Variants in PPM1E observed in about 807,000 individuals in gnomAD.
PPM1E encodes the protein protein phosphatase, Mg2+/Mn2+ dependent 1E.
Under a neutral mutation model 65.9 loss-of-function variants are expected in PPM1E, and 20 were observed. The observed-to-expected ratio is 0.30, with a 90% CI of 0.21 to 0.44. The LOEUF is 0.44. Among genes scored for constraint, PPM1E ranks in the 20% least tolerant of loss-of-function variants. The pLI, the probability that PPM1E is intolerant of heterozygous loss-of-function variation, is 1.00. For synonymous variants in PPM1E, 352 were observed against 374.9 expected, an observed-to-expected ratio of 0.94 and a Z score of 0.70; for missense variants, 713 against 953.1, an observed-to-expected ratio of 0.75 and a Z score of 3.32.
At chr17:58,872,582 G>A (rs978044039) in intron 1 of PPM1E, among the ~76,000 whole-genome samples, 16 of 152,184 alleles carry the variant, frequency 1.1e-4, no homozygotes, top group Non-Finnish European at 2.1e-4. Context: ...TAAACACAAA[G>A]TATGATCTGA....
At chr17:58,779,444 AT>A (rs1343764549) in intron 1 of PPM1E, among the ~76,000 whole-genome samples, 1 of 152,086 alleles carries the variant, frequency 6.6e-6, no homozygotes, top group African/African-American at 2.4e-5. Context: ...AAGTGCTGGG[AT>A]TATAGACGTG....
At chr17:58,784,065 C>T (rs1291745440) in intron 1 of PPM1E, among the ~76,000 whole-genome samples, 1 of 151,800 alleles carries the variant, frequency 6.6e-6, no homozygotes, top group Non-Finnish European at 1.5e-5. Context: ...CTCTGTTGCC[C>T]AGGCTGAAGT....
chr17:58,796,052 A>G (rs2050203353), intron 1 of PPM1E, among the ~76,000 whole-genome samples: 1 of 151,608 alleles, frequency 6.6e-6, no homozygotes. Flanking sequence ...CCTTTTGTCA[A>G]TTTTTTTTGT....
chr17:58,839,918 C>T (rs1442705182), intron 1 of PPM1E, among the ~76,000 whole-genome samples: 2 of 152,164 alleles, frequency 1.3e-5, no homozygotes, highest in African/African-American at 2.4e-5. Flanking sequence ...AAGTTTACAA[C>T]ACCACCACCA....
chr17:58,826,576 T>A (rs923674401), intron 1 of PPM1E, among the ~76,000 whole-genome samples: 3 of 152,158 alleles, frequency 2.0e-5, no homozygotes, highest in Non-Finnish European at 2.9e-5. Flanking sequence ...AAGAAATTAG[T>A]TTAACATATC....
intron 1 of PPM1E, among the ~76,000 whole-genome samples, chr17:58,947,518 C>T (rs1371366028): frequency 1.3e-5 from 2 of 149,592 alleles, no homozygotes; most frequent in African/African-American, 4.9e-5. Flanking sequence ...ATTACGGGTA[C>T]GAGACACTGC....
At chr17:58,761,899 A>C (rs1010278140) in intron 1 of PPM1E, among the ~76,000 whole-genome samples, 5 of 152,208 alleles carry the variant, frequency 3.3e-5, no homozygotes, top group African/African-American at 1.2e-4. Flanking sequence ...AAGGAAGAAA[A>C]CATTATCATC....
At chr17:58,916,131 C>T (rs936309143) in intron 1 of PPM1E, among the ~76,000 whole-genome samples, 2 of 152,164 alleles carry the variant, frequency 1.3e-5, no homozygotes, top group Non-Finnish European at 2.9e-5. Flanking sequence ...AGACACATTC[C>T]ACTGCATTTA....
intron 1 of PPM1E, among the ~76,000 whole-genome samples, chr17:58,783,562 T>G (rs913422854): frequency 2.6e-5 from 4 of 152,078 alleles, no homozygotes; most frequent in Non-Finnish European, 5.9e-5. Flanking sequence ...ATCAGCCCTT[T>G]CTCATGTGGC....
chr17:58,909,181 AG>A (rs1471572196), intron 1 of PPM1E, among the ~76,000 whole-genome samples: 1 of 151,954 alleles, frequency 6.6e-6, no homozygotes, highest in Non-Finnish European at 1.5e-5. Context: ...CAGGTCTACT[AG>A]GAACAAATTT....
intron 1 of PPM1E, among the ~76,000 whole-genome samples, chr17:58,791,993 C>T (rs1435609557): frequency 2.6e-5 from 4 of 152,086 alleles, no homozygotes; most frequent in Non-Finnish European, 4.4e-5. Flanking sequence ...TTGCCCATTT[C>T]TTCCCTATAC....
intron 1 of PPM1E, among the ~76,000 whole-genome samples, chr17:58,805,951 A>G: frequency 1.0e-5 from 1 of 97,012 alleles, no homozygotes; most frequent in Admixed American, 8.9e-5. Context: ...TGTTCTGCTA[A>G]AAAAAAAAAC....
chr17:58,804,603 A>T (rs1303257098), intron 1 of PPM1E, among the ~76,000 whole-genome samples: 1 of 152,170 alleles, frequency 6.6e-6, no homozygotes, highest in Non-Finnish European at 1.5e-5. Flanking sequence ...AATAAATGTT[A>T]AAGATATTCC....
chr17:58,869,419 T>A (rs2051044657), intron 1 of PPM1E, among the ~76,000 whole-genome samples: 1 of 152,136 alleles, frequency 6.6e-6, no homozygotes, highest in African/African-American at 2.4e-5. Context: ...GGTGCCATCC[T>A]CACAGTAATG....
chr17:58,851,631 T>A (rs781108184), intron 1 of PPM1E, among the ~76,000 whole-genome samples: 100 of 152,224 alleles, frequency 6.6e-4, no homozygotes, highest in Non-Finnish European at 1.0e-3. Flanking sequence ...TGCCTGATCC[T>A]TCCTCTGGAA....
intron 1 of PPM1E, among the ~76,000 whole-genome samples, chr17:58,828,990 T>C (rs938706265): frequency 1.3e-5 from 2 of 152,202 alleles, no homozygotes; most frequent in African/African-American, 4.8e-5. Flanking sequence ...GTTTGAATTA[T>C]GTATATATTG....
chr17:58,918,161 G>T (rs183125430), intron 1 of PPM1E, among the ~76,000 whole-genome samples: 7 of 152,288 alleles, frequency 4.6e-5, no homozygotes, highest in Non-Finnish European at 1.5e-5. Flanking sequence ...CTCACAGCAG[G>T]TAGTAAGTAC....
chr17:58,900,408 C>T (rs551910113), intron 1 of PPM1E, among the ~76,000 whole-genome samples: 33 of 152,304 alleles, frequency 2.2e-4, no homozygotes, highest in African/African-American at 7.9e-4. Flanking sequence ...GGAAGCAAGA[C>T]CTTCCACCAG....
intron 1 of PPM1E, among the ~76,000 whole-genome samples, chr17:58,797,475 G>A (rs1011600336): frequency 4.6e-5 from 7 of 152,148 alleles, no homozygotes; most frequent in Non-Finnish European, 1.0e-4. Flanking sequence ...ATATAGTAGA[G>A]ACACTTTTGT....
Sources: gnomAD v4.1 joint callset for allele counts (sites outside exome capture counted in the v4.1 genomes callset) on GRCh38, gnomAD v4.1.1 for gene constraint, MANE v1.5 for transcripts, NCBI Gene and HGNC (gene_info 2026-07-23, HGNC 2026-07-21) for gene names.